CC2D2A: variants seen among roughly 807,000 people sequenced by gnomAD.
The protein encoded by CC2D2A is coiled-coil and C2 domain containing 2A.
In CC2D2A, 155 loss-of-function variants were observed where a neutral mutation model predicts 212.9. The observed-to-expected ratio is 0.73, with a 90% confidence interval of 0.64 to 0.83. CC2D2A has a LOEUF of 0.83. Among genes scored for constraint, CC2D2A ranks in the 40% least tolerant of loss-of-function variants. The pLI is 0.00. For synonymous variants in CC2D2A, 667 were observed against 686.5 expected, an observed-to-expected ratio of 0.97 and a Z score of 0.44; for missense variants, 1,856 against 1,956.2, an observed-to-expected ratio of 0.95 and a Z score of 0.97.
chr4:15,526,514 T>G (rs1462267654), intron 11 of CC2D2A, among the ~76,000 whole-genome samples: 1 of 152,212 alleles, frequency 6.6e-6, no homozygotes, highest in Non-Finnish European at 1.5e-5. Context: ...GCTTCTTTTC[T>G]GATTAGAATT....
rs981227671 is a variant in CC2D2A, at chr4:15,555,368, C to A, written c.2625+158C>A. 5.3e-5 allele frequency among the ~76,000 whole-genome samples: 8 copies of A among 152,124 alleles called. No individual in the cohort carries two copies. In the East Asian group the frequency reaches 1.5e-3, roughly 29 times the overall value. ...TGTGCTTCTTGCCTGGCTATGGGAC[C>A]CAGGCAAGTATTCAGTGCTTCTAAG... On this transcript the variant is annotated intron_variant, in intron 20 of 36. Transcript: ENST00000424120.
intron 33 of CC2D2A, among the ~76,000 whole-genome samples, chr4:15,594,802 T>TTTG (rs768856761): frequency 5.3e-5 from 8 of 152,034 alleles, no homozygotes; most frequent in South Asian, 2.1e-4. Context: ...CTACTTGGTT[T>TTTG]TTGTTGTTGT....
intron 1 of CC2D2A, among the ~76,000 whole-genome samples, chr4:15,470,681 CTCTCTCTCTATATA>C (rs1391887556): frequency 6.8e-4 from 39 of 57,296 alleles, no homozygotes; most frequent in African/African-American, 2.1e-3. Flanking sequence ...CTCTCTCTCT[CTCTCTCTCTATATA>C]TATATATATA....
At position 15,502,477 on chromosome 4, in the gene CC2D2A, C is replaced by G. The variant is rs1236373020; in HGVS notation, c.296C>G (p.Ser99Cys). 3 of 1,608,842 alleles carry G rather than the reference C, an allele frequency of 1.9e-6. No individual in the cohort carries two copies. The highest frequency in any genetic ancestry group is 2.5e-6 in the Non-Finnish European group (3 of 1,178,594). Reference protein sequence around the residue: ...STSRTGFAEFSMRGRMREKLQ... With the variant: ...STSRTGFAEFCMRGRMREKLQ... ...TCCAGAACAGGCTTTGCAGAATTTTCCATGAGGGGACGCATGAGGGAGAAA... is the reference window on the plus strand; with the variant it reads ...TCCAGAACAGGCTTTGCAGAATTTTGCATGAGGGGACGCATGAGGGAGAAA... Residue 99 changes from serine (S) to cysteine (C), a missense_variant, in exon 5 of 37, where the codon TCC becomes TGC. Physicochemically the swap from Ser to Cys is moderately radical, Grantham distance 112. Coordinates refer to ENST00000424120, the MANE Select transcript of CC2D2A (RefSeq NM_001378615.1).
chr4:15,516,025 C>G, intron 10 of CC2D2A, 21 bp downstream of exon 10: 3 of 1,574,484 alleles, frequency 1.9e-6, no homozygotes, highest in Non-Finnish European at 2.6e-6. Context: ...ACCCTCTGCT[C>G]TCAGGTGTAG....
At chr4:15,558,400 A>AC (rs1719397556) in intron 21 of CC2D2A, among the ~76,000 whole-genome samples, 2 of 152,186 alleles carry the variant, frequency 1.3e-5, no homozygotes, top group Non-Finnish European at 2.9e-5. Context: ...GAAATCTCAA[A>AC]ATAGCATTAA....
intron 7 of CC2D2A, 64 bp downstream of exon 7, chr4:15,510,304 C>T: frequency 2.1e-6 from 3 of 1,413,212 alleles, no homozygotes; most frequent in South Asian, 1.2e-5. Flanking sequence ...TCCAATGACA[C>T]ATGACTACAG....
rs578063304 is a variant in CC2D2A, at chr4:15,548,529, A to G, written c.2182-2295A>G. Reference sequence around the variant, plus strand: ...GCCCTTAAGTCCCTGTGCTTCCTACAAAAGGATGTCTCAATAAATTTTTGT... The same window carrying G: ...GCCCTTAAGTCCCTGTGCTTCCTACGAAAGGATGTCTCAATAAATTTTTGT... On this transcript the variant is annotated intron_variant, in intron 17 of 36. Transcript: ENST00000424120. 2.6e-5 allele frequency among the ~76,000 whole-genome samples: 4 copies of G among 152,232 alleles called. No homozygotes were observed. In the South Asian group the frequency reaches 6.2e-4, roughly 24 times the overall value.
intron 35 of CC2D2A, among the ~76,000 whole-genome samples, chr4:15,598,740 A>G (rs74799497): frequency 0.091 from 13,908 of 152,308 alleles, 777 homozygotes; most frequent in Non-Finnish European, 0.13. Flanking sequence ...GATGTGAATA[A>G]ATCACGAGGC....
Position 15,554,891 on chromosome 4 carries a change from T to C in CC2D2A, c.2487-181T>C, listed in dbSNP as rs144857763. On this transcript the variant is annotated intron_variant, in intron 19 of 36. Coordinates refer to ENST00000424120, the MANE Select transcript of CC2D2A (RefSeq NM_001378615.1). Reference sequence around the variant, plus strand: ...AGTCCTTCCATTCCTGTTTCTTTATTGTCCTTATGTTTAATAGCCATCATC... The same window carrying C: ...AGTCCTTCCATTCCTGTTTCTTTATCGTCCTTATGTTTAATAGCCATCATC... 4.7e-3 allele frequency among the ~76,000 whole-genome samples: 712 copies of C among 152,338 alleles called. 4 individuals carry two copies. Among genetic ancestry groups the C allele is most frequent in the African/African-American group, 0.016 (664 of 41,582 alleles).
At position 15,500,099 on chromosome 4, in the gene CC2D2A, G is replaced by GTATACATATATATATA. The variant is rs71179633; in HGVS notation, c.248-2329_248-2328insATACATATATATATAT. Among the ~76,000 whole-genome samples the GTATACATATATATATA allele has an allele frequency of 3.6e-3, 252 of 69,752 alleles. 3 individuals carry two copies. The highest frequency in any genetic ancestry group is 0.011 in the African/African-American group (241 of 22,392). 45.8% of individuals were successfully genotyped at this position (69,752 alleles called of 152,430 possible). A position where few individuals can be genotyped will look rare whatever the true frequency, so the allele number is the denominator to read the frequency against. Reference sequence around the variant, plus strand: ...ATTGTGTGTGTGTGTGTGTGTGTGTGTGTGTGTGTATATATATATATATAT... The same window carrying GTATACATATATATATA: ...ATTGTGTGTGTGTGTGTGTGTGTGTGTATACATATATATATATGTGTGTGTATATATATATATATAT... On this transcript the variant is annotated intron_variant, in intron 4 of 36. Transcript: ENST00000424120.
chr4:15,583,699 C>T (rs1720743761), intron 30 of CC2D2A, among the ~76,000 whole-genome samples: 1 of 152,144 alleles, frequency 6.6e-6, no homozygotes, highest in East Asian at 1.9e-4. Context: ...CCTGTAATCC[C>T]AGCACTTTGG....
rs748026197 is a variant in CC2D2A, at chr4:15,599,647, G to A, written c.4615G>A (p.Gly1539Arg). Residue 1539 changes from glycine (G) to arginine (R), a missense_variant, in exon 36 of 37, where the codon GGA becomes AGA. Gly to Arg is a moderately radical substitution (Grantham distance 125). Transcript: ENST00000424120. ...HFLPLLEKSQ[G>R]EDVEDDHRAE... ...CTTGCCTCTGTTAGAAAAAAGTCAAGGAGAAGATGTAGAAGATGACCACAG... is the reference window on the plus strand; with the variant it reads ...CTTGCCTCTGTTAGAAAAAAGTCAAAGAGAAGATGTAGAAGATGACCACAG... The A allele has an allele frequency of 5.6e-6, 9 of 1,613,292 alleles. No homozygotes were observed. Among genetic ancestry groups the A allele is most frequent in the Non-Finnish European group, 8.5e-7 (1 of 1,179,506 alleles).
chr4:15,522,309 C>T (rs1325799040), intron 11 of CC2D2A, among the ~76,000 whole-genome samples: 4 of 152,174 alleles, frequency 2.6e-5, no homozygotes, highest in African/African-American at 9.7e-5. Context: ...TGAATTTATG[C>T]CTCAGAGCGC....
intron 18 of CC2D2A, among the ~76,000 whole-genome samples, chr4:15,551,747 G>C (rs574988783): frequency 6.6e-6 from 1 of 151,966 alleles, no homozygotes; most frequent in Non-Finnish European, 1.5e-5. Context: ...TTAAATATTA[G>C]GTATCTGATC....
At chr4:15,551,797 C>T (rs1719021241) in intron 18 of CC2D2A, among the ~76,000 whole-genome samples, 1 of 151,886 alleles carries the variant, frequency 6.6e-6, no homozygotes, top group African/African-American at 2.4e-5. Flanking sequence ...ATTCTGTTGC[C>T]TCTTGTTTAT....
intron 29 of CC2D2A, among the ~76,000 whole-genome samples, chr4:15,575,624 T>C (rs918697194): frequency 3.9e-5 from 6 of 152,124 alleles, no homozygotes; most frequent in African/African-American, 1.4e-4. Flanking sequence ...CAGAGAAAAA[T>C]ATCATCACTA....
intron 6 of CC2D2A, among the ~76,000 whole-genome samples, chr4:15,506,842 G>C (rs1268486783): frequency 6.6e-6 from 1 of 152,008 alleles, no homozygotes; most frequent in Non-Finnish European, 1.5e-5. Context: ...GGGAGGCTGA[G>C]GCGGGCGGAT....
rs375385399 is a variant in CC2D2A at position 15,516,700 on chromosome 4, C to G, written c.1093C>G (p.Pro365Ala). 6 of 1,613,304 alleles carry G rather than the reference C, an allele frequency of 3.7e-6. No homozygotes were observed. In the African/African-American group the frequency reaches 8.0e-5, roughly 22 times the overall value. Residue 365 changes from proline (P) to alanine (A), a missense_variant, in exon 11 of 37, where the codon CCA becomes GCA. Physicochemically the swap from Pro to Ala is conservative, Grantham distance 27. Transcript: ENST00000424120. Reference sequence around the variant, plus strand: ...CATCAAGCCATTTCCTTCAAGGCCGCCAGTACTAACACAGGAGCAGAGCAT... The same window carrying G: ...CATCAAGCCATTTCCTTCAAGGCCGGCAGTACTAACACAGGAGCAGAGCAT... ...NPIKPFPSRPPVLTQEQSIKA... is the reference protein window; with the variant it reads ...NPIKPFPSRPAVLTQEQSIKA...
Sources: gnomAD v4.1 joint callset for allele counts (sites outside exome capture counted in the v4.1 genomes callset) on GRCh38, gnomAD v4.1.1 for gene constraint, MANE v1.5 for transcripts, NCBI Gene and HGNC (gene_info 2026-07-23, HGNC 2026-07-21) for gene names.